DDX1: variants seen among roughly 807,000 people sequenced by gnomAD.
DDX1 encodes ATP-dependent RNA helicase DDX1.
Under a neutral mutation model 108.7 loss-of-function variants are expected in DDX1, and 28 were observed. The ratio of observed to expected loss-of-function variants is 0.26; its 90% CI spans 0.19 to 0.35. The LOEUF (loss-of-function observed/expected upper bound fraction) is 0.35. Among genes scored for constraint, DDX1 ranks in the 10% least tolerant of loss-of-function variants. The pLI, the probability that DDX1 is intolerant of heterozygous loss-of-function variation, is 1.00. For missense variants in DDX1, 710 were observed against 884.5 expected (o/e 0.80, Z 2.50); for synonymous variants, 295 against 288.9 (o/e 1.02, Z -0.21).
chr2:15,620,380 G>A lies in DDX1; in HGVS notation c.1379G>A (p.Gly460Glu), dbSNP rs751544101. The A allele has an allele frequency of 1.2e-6, 2 of 1,612,458 alleles. No individual in the cohort carries two copies. Among genetic ancestry groups the A allele is most frequent in the Non-Finnish European group, 1.7e-6 (2 of 1,179,550 alleles). Residue 460 changes from glycine to glutamate, a missense_variant, in exon 17 of 26, where the codon GGA (glycine) becomes GAA (glutamate). By Grantham distance (98) the Gly-to-Glu change is moderately conservative. Around this residue, in one of 3 missense-constraint regions of DDX1, gnomAD observed 661 missense variants for 810.2 expected, o/e 0.82. Coordinates refer to ENST00000233084, the MANE Select transcript of DDX1 (RefSeq NM_004939.3). ...ACTGACAGACTCTGGGAAAGGCTTGGAAAGAGCCACATTAGAGTAAGTGGT... is the reference window on the plus strand; with the variant it reads ...ACTGACAGACTCTGGGAAAGGCTTGAAAAGAGCCACATTAGAGTAAGTGGT... ...PKTDRLWERL[G>E]KSHIRTDDVH... is the part of the protein sequence containing the mutation.
chr2:15,611,595 G>A (rs1465766329), intron 13 of DDX1, among the ~76,000 whole-genome samples: 2 of 125,380 alleles, frequency 1.6e-5, no homozygotes, highest in African/African-American at 7.2e-5. Flanking sequence ...GGACGGGGCG[G>A]CTGGCCGGGC....
intron 3 of DDX1, 82 bp from the exon 4 acceptor site, chr2:15,596,652 G>GTT (rs1665504487): frequency 3.2e-6 from 4 of 1,236,508 alleles, no homozygotes; most frequent in Non-Finnish European, 4.7e-6. Flanking sequence ...AAATGTTAAA[G>GTT]ATTTCTACAT....
Position 15,628,648 on chromosome 2 carries a change from C to A in DDX1, c.1770C>A (p.Val590=). The A allele has an allele frequency of 6.2e-7, 1 of 1,611,710 alleles. No individual in the cohort carries two copies. The highest frequency in any genetic ancestry group is 8.5e-7 in the Non-Finnish European group (1 of 1,178,574). ...GGTTTTTATTTATAGTTATAAATGT[C>A]ACTCTGCCCGATGAAAAGCAAAACT... ...DIHGVPYVIN[V]TLPDEKQNYV... Residue 590 remains valine (V), a synonymous_variant, in exon 22 of 26, where the codon GTC becomes GTA. Coordinates refer to ENST00000233084, the MANE Select transcript of DDX1 (RefSeq NM_004939.3).
In DDX1 at chr2:15,621,229, A is replaced by G. The variant is rs1047568676; in HGVS notation, c.1447+113A>G. On this transcript the variant is annotated intron_variant, in intron 18 of 25. Transcript: ENST00000233084. Reference sequence around the variant, plus strand: ...CAAAATTAAAACAGGAAATTTGGAAATAAAGGCAACAAAAATAATAAAAAA... The same window carrying G: ...CAAAATTAAAACAGGAAATTTGGAAGTAAAGGCAACAAAAATAATAAAAAA... The G allele has an allele frequency of 7.0e-6, 5 of 713,040 alleles. No homozygotes were observed. The African/African-American group carries it at 9.1e-5, about 13-fold the overall frequency. 44.2% of individuals were successfully genotyped at this position (713,040 alleles called of 1,614,324 possible).
intron 6 of DDX1, among the ~76,000 whole-genome samples, chr2:15,601,397 C>G (rs1420477323): frequency 6.6e-6 from 1 of 152,212 alleles, no homozygotes; most frequent in Non-Finnish European, 1.5e-5. Context: ...GACTGTCCCC[C>G]ACATCTGATG....
intron 1 of DDX1, 34 bp downstream of exon 1, chr2:15,591,983 G>T: frequency 7.2e-7 from 1 of 1,398,442 alleles, no homozygotes; most frequent in Non-Finnish European, 9.3e-7. Flanking sequence ...GTGGTGGGGC[G>T]GCTTGTTGCA....
intron 15 of DDX1, 26 bp from the exon 16 acceptor site, chr2:15,618,155 T>A: frequency 7.1e-7 from 1 of 1,398,782 alleles, no homozygotes; most frequent in African/African-American, 1.4e-5. Context: ...ATTAAAAACT[T>A]AATTTATTCT....
rs761089877 is a variant in DDX1 at position 15,599,630 on chromosome 2, T to C, written c.260-39T>C. ...ACCCGGCCAAGCATTTTAAATTTTA[T>C]ATATCTGTGGGTAACTTTTCTTATT... On this transcript the variant is annotated intron_variant, in intron 5 of 25. Coordinates refer to ENST00000233084, the MANE Select transcript of DDX1 (RefSeq NM_004939.3). The C allele has an allele frequency of 2.6e-6, 4 of 1,529,946 alleles. No homozygotes were observed. The Admixed American group carries it at 5.6e-5, about 21-fold the overall frequency. The allele number at this position is 1,529,946 out of a possible 1,614,324, so 94.8% of individuals were successfully genotyped here.
At chr2:15,624,596 A>G in intron 19 of DDX1, among the ~76,000 whole-genome samples, 2 of 152,138 alleles carry the variant, frequency 1.3e-5, no homozygotes, top group Non-Finnish European at 2.9e-5. Flanking sequence ...CAGCATGAGG[A>G]TAACCACCCA....
chr2:15,629,689 G>A lies in DDX1; in HGVS notation c.1963G>A (p.Glu655Lys), dbSNP rs1191353174. The A allele has an allele frequency of 3.2e-6, 5 of 1,565,380 alleles. No homozygotes were observed. The highest frequency in any genetic ancestry group is 1.4e-5 in the African/African-American group (1 of 71,906). Reference sequence around the variant, plus strand: ...TGGAGGCTGTACCATATGGTACAACGAGATGCAGGTAAGACTTCGAGTTAG... The same window carrying A: ...TGGAGGCTGTACCATATGGTACAACAAGATGCAGGTAAGACTTCGAGTTAG... ...EDGGCTIWYN[E>K]MQLLSEIEEH... is the part of the protein sequence containing the mutation. Residue 655 changes from glutamate to lysine, a missense_variant, in exon 24 of 26, where the codon GAG (glutamate) becomes AAG (lysine). This residue lies in a region of DDX1 where 661 missense variants were observed against 810.2 expected (regional missense o/e 0.82). Transcript: ENST00000233084.
At chr2:15,604,317 C>G (rs1665631376) in intron 9 of DDX1, 120 bp from the exon 10 acceptor site, 1 of 685,408 alleles carries the variant, frequency 1.5e-6, no homozygotes, top group Non-Finnish European at 2.5e-6. Flanking sequence ...GTCATATGCT[C>G]TAATAGGCAT....
intron 13 of DDX1, among the ~76,000 whole-genome samples, chr2:15,610,867 T>TTTTTTA (rs1377486690): frequency 6.6e-6 from 1 of 151,980 alleles, no homozygotes; most frequent in Non-Finnish European, 1.5e-5. Flanking sequence ...GACTTGTTTT[T>TTTTTTA]TTTTTTATTT....
At chr2:15,613,198 T>TA in intron 13 of DDX1, 26 bp from the exon 14 acceptor site, 1 of 1,481,420 alleles carries the variant, frequency 6.8e-7, no homozygotes, top group Non-Finnish European at 9.2e-7. Flanking sequence ...TTTTTTTTTA[T>TA]ATTATCATCT....
intron 18 of DDX1, 51 bp from the exon 19 acceptor site, chr2:15,623,385 C>T (rs1666042413): frequency 1.3e-6 from 2 of 1,584,432 alleles, no homozygotes; most frequent in African/African-American, 2.7e-5. Flanking sequence ...GTATTCATGA[C>T]AAGTTCAGAT....
intron 4 of DDX1, 131 bp from the exon 5 acceptor site, chr2:15,597,244 G>A (rs1014133685): frequency 3.1e-6 from 2 of 645,710 alleles, no homozygotes; most frequent in African/African-American, 3.8e-5. Flanking sequence ...TTGGGTAAAT[G>A]AAATTGTAGT....
intron 13 of DDX1, 102 bp downstream of exon 13, chr2:15,607,415 TACATAATACACGTGTGTGAG>T: frequency 3.1e-6 from 3 of 980,144 alleles, no homozygotes; most frequent in East Asian, 2.6e-5. Context: ...TCAGTGTGTA[TACATAATACACGTGTGTGAG>T]TATGTAAATA....
At chr2:15,626,004 A>G (rs1284811076) in intron 19 of DDX1, among the ~76,000 whole-genome samples, 3 of 152,070 alleles carry the variant, frequency 2.0e-5, no homozygotes, top group African/African-American at 7.2e-5. Flanking sequence ...TTGATTATGT[A>G]GTAAGGAGTA....
chr2:15,608,665 T>G (rs1367906034), intron 13 of DDX1, among the ~76,000 whole-genome samples: 5 of 120,450 alleles, frequency 4.2e-5, no homozygotes, highest in East Asian at 4.6e-4. Flanking sequence ...TTTTTTAGGT[T>G]TTTTTTTTTT....
At chr2:15,597,130 A>G (rs1264949017) in intron 4 of DDX1, among the ~76,000 whole-genome samples, 1 of 152,184 alleles carries the variant, frequency 6.6e-6, no homozygotes, top group Non-Finnish European at 1.5e-5. Flanking sequence ...TCTTTAGTGT[A>G]GGTTCATTCT....
Sources: allele counts gnomAD v4.1 joint callset (sites outside exome capture counted in the v4.1 genomes callset), GRCh38; gene constraint gnomAD v4.1.1; regional missense constraint gnomAD v4.1.1; transcripts MANE v1.5; gene names NCBI Gene and HGNC (gene_info 2026-07-23, HGNC 2026-07-21).